RNF212B: variants seen among roughly 807,000 people sequenced by gnomAD.
The protein encoded by RNF212B is E3 ubiquitin-protein ligase RNF212B.
In RNF212B, 52 loss-of-function variants were observed where a neutral mutation model predicts 55.5. The observed-to-expected ratio is 0.94, with a 90% confidence interval of 0.75 to 1.18. The LOEUF is 1.18. RNF212B is among the 50% of genes most tolerant of loss of function. The pLI, the probability that RNF212B is intolerant of heterozygous loss-of-function variation, is 0.00. For synonymous variants in RNF212B, 99 were observed against 121.4 expected (o/e 0.82, Z 1.21); for missense variants, 289 against 350.4 (o/e 0.82, Z 1.40).
At position 23,219,694 on chromosome 14, in the gene RNF212B, A is replaced by T. The variant is rs536308883; in HGVS notation, c.-1-20651A>T. Among the ~76,000 whole-genome samples the T allele has an allele frequency of 1.4e-4, 21 of 151,980 alleles. No individual in the cohort carries two copies. The South Asian group carries it at 4.4e-3, about 32-fold the overall frequency. On this transcript the variant is annotated intron_variant, in intron 2 of 15. Coordinates refer to the RNF212B transcript ENST00000399910. ...ACCATGTTGGTCAGGCTGGTCTCAAACTGCCGACCTCAGGTGATCTGCCTG... is the reference window on the plus strand; with the variant it reads ...ACCATGTTGGTCAGGCTGGTCTCAATCTGCCGACCTCAGGTGATCTGCCTG...
At chr14:23,243,359 T>C in intron 3 of RNF212B, 51 bp downstream of exon 3, 2 of 1,398,398 alleles carry the variant, frequency 1.4e-6, no homozygotes, top group East Asian at 2.5e-5. Flanking sequence ...TCCTGGCCTG[T>C]AGGAAGTATA....
At chr14:23,196,698 T>G (rs1415418281) in intron 2 of RNF212B, among the ~76,000 whole-genome samples, 1 of 152,156 alleles carries the variant, frequency 6.6e-6, no homozygotes, top group Non-Finnish European at 1.5e-5. Flanking sequence ...TGCCTAGGCC[T>G]CCTAAAGTGC....
chr14:23,247,316 A>C (rs764343138), intron 4 of RNF212B, among the ~76,000 whole-genome samples: 12 of 152,136 alleles, frequency 7.9e-5, no homozygotes, highest in Non-Finnish European at 1.6e-4. Flanking sequence ...TTTTTAATAC[A>C]TCCACAGAAT....
chr14:23,243,236 T>G lies in RNF212B; in HGVS notation c.101-20T>G. 6.5e-7 allele frequency: 1 copy of G among 1,547,456 alleles called. No homozygotes were observed. Among genetic ancestry groups the G allele is most frequent in the Non-Finnish European group, 8.7e-7 (1 of 1,145,116 alleles). ...CTCATGCTCATGAGAGCCAAATATTTTTTTCCCTTTTCCTCCCAGAAAAAT... is the reference window on the plus strand; with the variant it reads ...CTCATGCTCATGAGAGCCAAATATTGTTTTCCCTTTTCCTCCCAGAAAAAT... On this transcript the variant is annotated intron_variant, in intron 2 of 14. Transcript: ENST00000430154.
chr14:23,247,793 A>G (rs572098712), intron 4 of RNF212B, among the ~76,000 whole-genome samples: 1 of 152,246 alleles, frequency 6.6e-6, no homozygotes, highest in South Asian at 2.1e-4. Context: ...TATACCTACG[A>G]GTGGAATTTC....
intron 2 of RNF212B, among the ~76,000 whole-genome samples, chr14:23,195,069 G>T (rs1316735059): frequency 2.0e-5 from 3 of 152,068 alleles, no homozygotes; most frequent in Admixed American, 2.0e-4. Flanking sequence ...GAAAATGAAC[G>T]AAATAACTCG....
chr14:23,255,149 C>A (rs1391524215), intron 4 of RNF212B, among the ~76,000 whole-genome samples: 1 of 152,198 alleles, frequency 6.6e-6, no homozygotes, highest in African/African-American at 2.4e-5. Context: ...TAACTTTGAA[C>A]CAACCTATGC....
At position 23,255,470 on chromosome 14, in the gene RNF212B, G is replaced by A. The variant is rs187840960; in HGVS notation, c.229-3079G>A. Among the ~76,000 whole-genome samples, 6 of 152,132 alleles carry A rather than the reference G, an allele frequency of 3.9e-5. No individual in the cohort carries two copies. In the East Asian group the frequency reaches 9.7e-4, roughly 24 times the overall value. ...GATAGTTTCATACCAATAAAATGTT[G>A]GTATCAATGTTCCAATAAAACAAAC... On this transcript the variant is annotated intron_variant, in intron 4 of 14. Transcript: ENST00000430154.
chr14:23,205,255 C>T (rs1879720575), intron 2 of RNF212B, among the ~76,000 whole-genome samples: 1 of 150,730 alleles, frequency 6.6e-6, no homozygotes, highest in Admixed American at 6.6e-5. Context: ...TTATACAGAG[C>T]CTTTAAATGA....
intron 4 of RNF212B, among the ~76,000 whole-genome samples, chr14:23,247,276 T>C (rs1350326194): frequency 6.6e-6 from 1 of 152,074 alleles, no homozygotes; most frequent in East Asian, 1.9e-4. Context: ...TACCATAAAA[T>C]TTACCCTTTT....
At chr14:23,214,251 T>C (rs1057274708) in intron 2 of RNF212B, among the ~76,000 whole-genome samples, 9 of 152,202 alleles carry the variant, frequency 5.9e-5, no homozygotes. Context: ...CCCAGCATTT[T>C]GGGAGGCCAA....
intron 2 of RNF212B, among the ~76,000 whole-genome samples, chr14:23,242,424 A>G (rs1361145769): frequency 6.6e-6 from 1 of 152,228 alleles, no homozygotes; most frequent in Non-Finnish European, 1.5e-5. Context: ...TTGGGGAATG[A>G]GAGTAGCAGA....
intron 2 of RNF212B, among the ~76,000 whole-genome samples, chr14:23,202,112 G>T (rs1027058237): frequency 1.3e-5 from 2 of 151,960 alleles, no homozygotes; most frequent in African/African-American, 4.8e-5. Context: ...TTAGCCAAGC[G>T]TGGTGGTGTG....
chr14:23,188,630 C>A (rs1452967790), intron 1 of RNF212B, among the ~76,000 whole-genome samples: 2 of 151,966 alleles, frequency 1.3e-5, no homozygotes, highest in African/African-American at 2.4e-5. Context: ...CTATGCCTGG[C>A]AAATTTTTAA....
At chr14:23,232,704 C>T (rs532251130) in intron 2 of RNF212B, among the ~76,000 whole-genome samples, 52 of 150,748 alleles carry the variant, frequency 3.4e-4, no homozygotes, top group African/African-American at 1.1e-3. Flanking sequence ...GGTCAGCCCC[C>T]GCCCGGCCAG....
intron 2 of RNF212B, among the ~76,000 whole-genome samples, chr14:23,198,782 G>A (rs1361250108): frequency 1.3e-5 from 2 of 152,148 alleles, no homozygotes; most frequent in Non-Finnish European, 2.9e-5. Flanking sequence ...CATATGTACT[G>A]GGGCTGAACA....
chr14:23,258,338 C>CAAAAAAA (rs1213381274), intron 4 of RNF212B: 3 of 152,578 alleles, frequency 2.0e-5, no homozygotes, highest in Non-Finnish European at 3.7e-5. Context: ...AACTCTGTCT[C>CAAAAAAA]AAAAAAAAAA....
intron 1 of RNF212B, among the ~76,000 whole-genome samples, chr14:23,238,492 C>T (rs1594917799): frequency 6.6e-6 from 1 of 151,808 alleles, no homozygotes; most frequent in African/African-American, 2.4e-5. Flanking sequence ...CTTTGGGAGG[C>T]CAAGGAAGGA....
chr14:23,199,003 C>T (rs1879016995), intron 2 of RNF212B, among the ~76,000 whole-genome samples: 1 of 152,154 alleles, frequency 6.6e-6, no homozygotes, highest in Non-Finnish European at 1.5e-5. Flanking sequence ...CTCACGCTGT[C>T]CACTGAGAGG....
Sources: allele counts gnomAD v4.1 joint callset (sites outside exome capture counted in the v4.1 genomes callset), GRCh38; gene constraint gnomAD v4.1.1; transcripts MANE v1.5; gene names NCBI Gene and HGNC (gene_info 2026-07-23, HGNC 2026-07-21).